MCF2L: variants seen among roughly 807,000 people sequenced by gnomAD.
MCF2L encodes MCF.2 cell line derived transforming sequence like.
In MCF2L, 97 loss-of-function variants were observed where a neutral mutation model predicts 153.4. That is an observed-to-expected ratio of 0.63 (90% CI 0.54 to 0.75). The LOEUF (loss-of-function observed/expected upper bound fraction) is 0.75. Ranked by LOEUF, MCF2L falls within the 30% of genes least tolerant of loss-of-function variation. The pLI is 0.00. For synonymous variants in MCF2L, 659 were observed against 632.2 expected (o/e 1.04, Z -0.64); for missense variants, 1,347 against 1,495.2 (o/e 0.90, Z 1.64).
chr13:112,972,709 A>G (rs1346070038), intron 1 of MCF2L, among the ~76,000 whole-genome samples: 2 of 49,102 alleles, frequency 4.1e-5, no homozygotes, highest in Non-Finnish European at 8.0e-5. Context: ...GGGTGTATGG[A>G]TGGATGGATG....
chr13:113,064,912 A>G lies in MCF2L; in HGVS notation c.607-24A>G. ...GGTGGGTGCAGTGCACAAGGCATGC[A>G]ATTGTGTTTTCTCTGTCCCCAAGGC... On this transcript the variant is annotated intron_variant, in intron 6 of 29. Coordinates refer to ENST00000535094, the MANE Select transcript of MCF2L (RefSeq NM_001112732.3). The surrounding 1 kb of genome is among the most constrained non-coding windows in gnomAD (Gnocchi z 6.0). 1 of 1,604,624 alleles carries G rather than the reference A, an allele frequency of 6.2e-7. No homozygotes were observed. Among genetic ancestry groups the G allele is most frequent in the Non-Finnish European group, 8.5e-7 (1 of 1,175,156 alleles).
chr13:113,057,536 T>G, intron 4 of MCF2L, among the ~76,000 whole-genome samples: 1 of 139,974 alleles, frequency 7.1e-6, no homozygotes, highest in African/African-American at 2.7e-5. Flanking sequence ...TGCTGAGTGT[T>G]TAGTAGCTGC....
intron 2 of MCF2L, among the ~76,000 whole-genome samples, chr13:113,018,524 G>C (rs1463098677): frequency 6.6e-6 from 1 of 152,178 alleles, no homozygotes; most frequent in Non-Finnish European, 1.5e-5. Flanking sequence ...AAGGCTGAGG[G>C]TTGGGGGGTG....
At chr13:112,975,143 A>G (rs2082171501) in intron 1 of MCF2L, among the ~76,000 whole-genome samples, 1 of 152,220 alleles carries the variant, frequency 6.6e-6, no homozygotes, top group Non-Finnish European at 1.5e-5. Flanking sequence ...TGGAGAAAGA[A>G]GCATCTGTTA....
chr13:112,911,625 AG>A, intron 2 of MCF2L, among the ~76,000 whole-genome samples: 1 of 152,094 alleles, frequency 6.6e-6, no homozygotes, highest in South Asian at 2.1e-4. Context: ...GCGTCCTCTC[AG>A]GTGTCTCAGC....
rs1028605979 is a variant in MCF2L at position 112,943,672 on chromosome 13, G to T, written c.169+41301G>T. ...CCCTTACCCGGGGACAGACGGGGAA[G>T]GCGGGAGCGCTCGCAGTTCCCTCCT... On this transcript the variant is annotated intron_variant, in intron 2 of 29. Coordinates refer to the MCF2L transcript ENST00000375608. The surrounding 1 kb of genome is among the most constrained non-coding windows in gnomAD (Gnocchi z 4.2). 2.6e-5 allele frequency among the ~76,000 whole-genome samples: 4 copies of T among 152,160 alleles called. No individual in the cohort carries two copies. Among genetic ancestry groups the T allele is most frequent in the African/African-American group, 9.6e-5 (4 of 41,452 alleles).
chr13:113,014,649 C>A, intron 1 of MCF2L, 114 bp from the exon 2 acceptor site: 1 of 768,164 alleles, frequency 1.3e-6, no homozygotes, highest in Non-Finnish European at 2.2e-6. Context: ...AGCCACGTGA[C>A]GCCACTCCCG....
intron 2 of MCF2L, among the ~76,000 whole-genome samples, chr13:112,938,733 CAA>C (rs749016044): frequency 5.9e-5 from 9 of 152,158 alleles, no homozygotes; most frequent in Non-Finnish European, 1.0e-4. Context: ...GTGTAACAAT[CAA>C]AGTTTTGGCG....
At position 113,000,425 on chromosome 13, in the gene MCF2L, G is replaced by A. The variant is rs147018831; in HGVS notation, c.80-14338G>A. On this transcript the variant is annotated intron_variant, in intron 1 of 29. Transcript: ENST00000535094. ...AGGCTGCCTCTCAGAGGACCCAGGCGTGGAGGAAGCAGTGGCCCCTCTTAG... is the reference window on the plus strand; with the variant it reads ...AGGCTGCCTCTCAGAGGACCCAGGCATGGAGGAAGCAGTGGCCCCTCTTAG... Among the ~76,000 whole-genome samples the A allele has an allele frequency of 1.2e-3, 189 of 152,344 alleles. 1 individual carries two copies. Among genetic ancestry groups the A allele is most frequent in the African/African-American group, 4.3e-3 (180 of 41,572 alleles).
chr13:113,082,638 A>T, intron 17 of MCF2L, 96 bp downstream of exon 17: 1 of 928,416 alleles, frequency 1.1e-6, no homozygotes, highest in Non-Finnish European at 1.7e-6. Flanking sequence ...AGGCCAGGCC[A>T]TGCCTGGCTA....
intron 1 of MCF2L, chr13:112,979,701 C>G (rs974683282): frequency 2.5e-6 from 4 of 1,612,758 alleles, no homozygotes; most frequent in Non-Finnish European, 3.4e-6. Context: ...GGGAACCCTG[C>G]GGCGGCTGTG....
intron 23 of MCF2L, 68 bp downstream of exon 23, chr13:113,087,867 C>G: frequency 7.5e-7 from 1 of 1,336,462 alleles, no homozygotes; most frequent in Non-Finnish European, 1.1e-6. Flanking sequence ...GGAACCAGTG[C>G]AAGGATCTGC....
chr13:113,025,955 C>T (rs370992441), intron 3 of MCF2L, among the ~76,000 whole-genome samples: 19 of 73,774 alleles, frequency 2.6e-4, no homozygotes, highest in South Asian at 5.4e-4. Context: ...GAGATTTCCC[C>T]GTCATGGGGT....
intron 15 of MCF2L, among the ~76,000 whole-genome samples, chr13:113,080,298 C>A (rs1004383525): frequency 6.6e-6 from 1 of 151,666 alleles, no homozygotes; most frequent in South Asian, 2.1e-4. Context: ...AGTGTCCATA[C>A]GGAGGAGGGT....
chr13:113,083,971 T>A, intron 17 of MCF2L, 27 bp from the exon 18 acceptor site: 1 of 1,569,990 alleles, frequency 6.4e-7, no homozygotes, highest in South Asian at 1.1e-5. Flanking sequence ...CTGTCTTTCA[T>A]ACTACTTAAA....
intron 1 of MCF2L, among the ~76,000 whole-genome samples, chr13:112,999,061 G>A (rs1342314522): frequency 3.3e-5 from 5 of 152,178 alleles, no homozygotes; most frequent in Non-Finnish European, 5.9e-5. Context: ...CCTCTGATGG[G>A]CATTACTGTG....
At chr13:113,089,898 C>G in intron 26 of MCF2L, 170 bp downstream of exon 26, 2 of 1,606,092 alleles carry the variant, frequency 1.2e-6, no homozygotes, top group Non-Finnish European at 1.7e-6. Flanking sequence ...CACAGAAGAG[C>G]CCCTCCCTCT....
At chr13:113,038,635 G>A (rs566750990) in intron 3 of MCF2L, among the ~76,000 whole-genome samples, 51 of 152,246 alleles carry the variant, frequency 3.3e-4, no homozygotes, top group Non-Finnish European at 5.0e-4. Flanking sequence ...TCTTTATTTA[G>A]GTGTGAACAT....
chr13:112,979,415 G>C, intron 1 of MCF2L: 1 of 1,397,588 alleles, frequency 7.2e-7, no homozygotes, highest in African/African-American at 1.5e-5. Flanking sequence ...GCTCGGGCCA[G>C]GCTCTGGGAG....
Sources: gnomAD v4.1 joint callset for allele counts (sites outside exome capture counted in the v4.1 genomes callset) on GRCh38, gnomAD v4.1.1 for gene constraint, Gnocchi (gnomAD v3.1) non-coding constraint, MANE v1.5 for transcripts, NCBI Gene and HGNC (gene_info 2026-07-23, HGNC 2026-07-21) for gene names.